Variants in PRKD1 observed in about 807,000 individuals in gnomAD.
The protein encoded by PRKD1 is protein kinase D1.
A neutral mutation model predicts 95.9 loss-of-function variants in PRKD1; 63 were observed. The ratio of observed to expected loss-of-function variants is 0.66; its 90% confidence interval spans 0.54 to 0.81. PRKD1 has a LOEUF of 0.81. PRKD1 is among the 30% of genes least tolerant of loss of function. PRKD1 has a pLI of 0.00. For synonymous variants in PRKD1, 425 were observed against 423.1 expected (o/e 1.00, Z -0.05); for missense variants, 1,048 against 1,165.3 (o/e 0.90, Z 1.47).
At chr14:29,873,013 G>A (rs957217154) in intron 1 of PRKD1, among the ~76,000 whole-genome samples, 2 of 152,156 alleles carry the variant, frequency 1.3e-5, no homozygotes, top group Non-Finnish European at 2.9e-5. Flanking sequence ...ATGCATAAGT[G>A]AGGAGTACAA....
intron 1 of PRKD1, among the ~76,000 whole-genome samples, chr14:29,819,123 AG>A (rs1268538480): frequency 6.6e-6 from 1 of 152,216 alleles, no homozygotes; most frequent in African/African-American, 2.4e-5. Flanking sequence ...GTCTGACCCA[AG>A]GCTGTATCCT....
chr14:29,844,105 G>A (rs544566322), intron 1 of PRKD1, among the ~76,000 whole-genome samples: 167 of 152,264 alleles, frequency 1.1e-3, no homozygotes, highest in African/African-American at 3.8e-3. Context: ...CCAAGTATTT[G>A]GCAGTAAACA....
At chr14:29,894,012 T>A (rs1030455290) in intron 1 of PRKD1, among the ~76,000 whole-genome samples, 1 of 152,176 alleles carries the variant, frequency 6.6e-6, no homozygotes, top group African/African-American at 2.4e-5. Context: ...GCAAACATGT[T>A]GCATGAATAT....
intron 16 of PRKD1, among the ~76,000 whole-genome samples, chr14:29,588,506 A>T (rs1402781883): frequency 6.6e-6 from 1 of 152,196 alleles, no homozygotes; most frequent in Non-Finnish European, 1.5e-5. Flanking sequence ...GTAGTGGTAT[A>T]TTATGATAGC....
At chr14:29,762,400 T>C (rs986041102) in intron 1 of PRKD1, among the ~76,000 whole-genome samples, 5 of 152,172 alleles carry the variant, frequency 3.3e-5, no homozygotes, top group Admixed American at 1.3e-4. Context: ...GCTACTCTTC[T>C]AGTCAAATCA....
At chr14:29,722,415 T>C (rs994251536) in intron 2 of PRKD1, among the ~76,000 whole-genome samples, 1 of 152,174 alleles carries the variant, frequency 6.6e-6, no homozygotes, top group African/African-American at 2.4e-5. Context: ...TCCTACTCAC[T>C]TGATAGGCCC....
intron 1 of PRKD1, among the ~76,000 whole-genome samples, chr14:29,891,865 T>C (rs1398328123): frequency 1.3e-5 from 2 of 152,164 alleles, no homozygotes; most frequent in Non-Finnish European, 2.9e-5. Context: ...CATATGCATA[T>C]GAAACACACC....
At chr14:29,597,262 C>T (rs978990837) in intron 16 of PRKD1, among the ~76,000 whole-genome samples, 2 of 151,900 alleles carry the variant, frequency 1.3e-5, no homozygotes, top group African/African-American at 4.8e-5. Flanking sequence ...ATGAAATGTA[C>T]CAAAATACAT....
intron 2 of PRKD1, among the ~76,000 whole-genome samples, chr14:29,666,961 T>G (rs1379258015): frequency 6.6e-6 from 1 of 152,188 alleles, no homozygotes; most frequent in Admixed American, 6.5e-5. Flanking sequence ...TTAAAATCCA[T>G]TTTTATTACA....
intron 1 of PRKD1, among the ~76,000 whole-genome samples, chr14:29,766,958 G>T (rs1229729777): frequency 1.3e-5 from 2 of 152,080 alleles, no homozygotes; most frequent in African/African-American, 4.8e-5. Flanking sequence ...TTAGGAATTT[G>T]TTTCTTCTCC....
intron 2 of PRKD1, among the ~76,000 whole-genome samples, chr14:29,680,063 CTG>C (rs45571035): frequency 9.9e-4 from 151 of 152,276 alleles, no homozygotes; most frequent in African/African-American, 3.4e-3. Context: ...GTGGTAAAGA[CTG>C]TGGTTCAGTC....
intron 1 of PRKD1, among the ~76,000 whole-genome samples, chr14:29,872,571 G>T (rs1893146584): frequency 6.6e-6 from 1 of 151,462 alleles, no homozygotes; most frequent in African/African-American, 2.4e-5. Context: ...CAGGAGAAGT[G>T]CTTGAACCCG....
chr14:29,635,427 C>A (rs1029799533), intron 7 of PRKD1, among the ~76,000 whole-genome samples: 10 of 152,108 alleles, frequency 6.6e-5, no homozygotes, highest in Non-Finnish European at 1.5e-4. Context: ...CTTCAAAAGA[C>A]AGGTCACAAG....
chr14:29,812,559 T>A (rs1473315321), intron 1 of PRKD1, among the ~76,000 whole-genome samples: 1 of 152,088 alleles, frequency 6.6e-6, no homozygotes, highest in Admixed American at 6.5e-5. Flanking sequence ...AAACCTACAA[T>A]CATGGTGGAA....
At chr14:29,779,040 A>T (rs550062314) in intron 1 of PRKD1, among the ~76,000 whole-genome samples, 2 of 152,344 alleles carry the variant, frequency 1.3e-5, no homozygotes, top group African/African-American at 2.4e-5. Context: ...CAAAAACCAC[A>T]TGATTATCTG....
At chr14:29,590,587 T>C (rs956384314) in intron 16 of PRKD1, among the ~76,000 whole-genome samples, 3 of 152,176 alleles carry the variant, frequency 2.0e-5, no homozygotes, top group Non-Finnish European at 4.4e-5. Context: ...TGCATAATTA[T>C]AGTTAACTCA....
chr14:29,594,399 C>T (rs1054564535), intron 16 of PRKD1, among the ~76,000 whole-genome samples: 1 of 152,150 alleles, frequency 6.6e-6, no homozygotes, highest in Non-Finnish European at 1.5e-5. Flanking sequence ...TGGTGTTCTG[C>T]TGTCCTCCTT....
chr14:29,714,025 G>A (rs1025216063), intron 2 of PRKD1, among the ~76,000 whole-genome samples: 1 of 152,080 alleles, frequency 6.6e-6, no homozygotes, highest in African/African-American at 2.4e-5. Flanking sequence ...GGAGAAATTG[G>A]GAATTATGCC....
chr14:29,665,186 G>A (rs1018246170), intron 3 of PRKD1, among the ~76,000 whole-genome samples: 1 of 152,104 alleles, frequency 6.6e-6, no homozygotes, highest in Non-Finnish European at 1.5e-5. Context: ...TATTGTAGAG[G>A]GCACAACATA....
Sources: allele counts gnomAD v4.1 joint callset (sites outside exome capture counted in the v4.1 genomes callset), GRCh38; gene constraint gnomAD v4.1.1; transcripts MANE v1.5; gene names NCBI Gene and HGNC (gene_info 2026-07-23, HGNC 2026-07-21).